The following LRP11 variants were observed in gnomAD, a reference collection of about 807,000 sequenced individuals.
LRP11 encodes low-density lipoprotein receptor-related protein 11.
Under a neutral mutation model 43.1 loss-of-function variants are expected in LRP11, and 25 were observed. The observed-to-expected ratio is 0.58, with a 90% CI of 0.42 to 0.81. The LOEUF is 0.81. LRP11 is among the 30% of genes least tolerant of loss of function. The pLI, the probability that LRP11 is intolerant of heterozygous loss-of-function variation, is 0.00. For missense variants in LRP11, 623 were observed against 665.1 expected, an observed-to-expected ratio of 0.94 and a Z score of 0.70; for synonymous variants, 316 against 299.4, an observed-to-expected ratio of 1.06 and a Z score of -0.57.
In LRP11 at chr6:149,826,367, A is replaced by G. The variant is rs1283157104; in HGVS notation, c.1253-8T>C. 2 of 1,590,416 alleles carry G rather than the reference A, an allele frequency of 1.3e-6. No homozygotes were observed. The highest frequency in any genetic ancestry group is 1.7e-6 in the Non-Finnish European group (2 of 1,158,658). ...TCCCTGAGGAACTACTATCTGCAGA[A>G]AAGAAAGAGAACATATATTGAAGGT... On this transcript the variant is annotated splice_polypyrimidine_tract_variant and splice_region_variant and intron_variant, in intron 5 of 6. Transcript: ENST00000239367.
chr6:149,850,657 T>A (rs1776705159), intron 2 of LRP11, among the ~76,000 whole-genome samples: 1 of 152,232 alleles, frequency 6.6e-6, no homozygotes, highest in East Asian at 1.9e-4. Flanking sequence ...CTACATGTAC[T>A]AAAATGTCAT....
intron 5 of LRP11, among the ~76,000 whole-genome samples, chr6:149,828,527 T>C (rs1776370365): frequency 6.6e-6 from 1 of 151,982 alleles, no homozygotes; most frequent in Non-Finnish European, 1.5e-5. Flanking sequence ...CTCCCTTTGT[T>C]GCCCAGGCTA....
Position 149,864,194 on chromosome 6 carries a change from GGCGGGAACCGCAGTA to G in LRP11, c.-189_-175del. On this transcript the variant is annotated 5_prime_UTR_variant, in exon 1 of 7. Transcript: ENST00000239367. ...CTGCTCCCCCGAGGTCGCGGGCGCCGGCGGGAACCGCAGTAGCGGGAGACATAGCCGGCCCAGCCG... is the reference window on the plus strand; with the variant it reads ...CTGCTCCCCCGAGGTCGCGGGCGCCGGCGGGAGACATAGCCGGCCCAGCCG... The G allele has an allele frequency of 8.9e-7, 1 of 1,122,924 alleles. No individual in the cohort carries two copies. Among genetic ancestry groups the G allele is most frequent in the African/African-American group, 1.6e-5 (1 of 60,756 alleles). 69.6% of individuals were successfully genotyped at this position (1,122,924 alleles called of 1,614,324 possible).
At chr6:149,858,791 A>C (rs1776841210) in intron 1 of LRP11, among the ~76,000 whole-genome samples, 1 of 152,190 alleles carries the variant, frequency 6.6e-6, no homozygotes, top group Non-Finnish European at 1.5e-5. Context: ...GTACTACTGG[A>C]CATTTACTTT....
chr6:149,820,331 T>A lies in LRP11; in HGVS notation c.*218A>T. 2 of 398,538 alleles carry A rather than the reference T, an allele frequency of 5.0e-6. No individual in the cohort carries two copies. The highest frequency in any genetic ancestry group is 7.5e-5 in the South Asian group (2 of 26,732). The allele number at this position is 398,538 out of a possible 1,614,324, so 24.7% of individuals were successfully genotyped here. A position where few individuals can be genotyped will look rare whatever the true frequency, so the allele number is the denominator to read the frequency against. On this transcript the variant is annotated 3_prime_UTR_variant, in exon 7 of 7. Coordinates refer to ENST00000239367, the MANE Select transcript of LRP11 (RefSeq NM_032832.6). ...CAGCTTACATAAATCAGAATTATAT[T>A]TTTAGGAATCTTTAATCATGAATTC...
intron 1 of LRP11, among the ~76,000 whole-genome samples, chr6:149,859,392 A>ATTTTTTTTTTTTTTTTTTT (rs1379449979): frequency 2.6e-5 from 2 of 76,836 alleles, no homozygotes; most frequent in African/African-American, 1.9e-4. Context: ...ATATATATAT[A>ATTTTTTTTTTTTTTTTTTT]TATATTTTTT....
In LRP11 at chr6:149,853,099, G is replaced by C. The variant is rs756634027; in HGVS notation, c.675C>G (p.Asp225Glu). The C allele has an allele frequency of 2.5e-6, 4 of 1,612,224 alleles. No individual in the cohort carries two copies. Among genetic ancestry groups the C allele is most frequent in the African/African-American group, 2.7e-5 (2 of 74,776 alleles). The change falls in exon 2 of 7, where the codon GAC becomes GAG. Residue 225 changes from aspartate to glutamate, a missense_variant. Transcript: ENST00000239367. ...GQDVVLHLPT[D>E]GVVLDGREST... is the part of the protein sequence containing the mutation. ...TCTCGCGGCCGTCTAGAACCACCCC[G>C]TCTGTGGGCAGATGCAGAACCACAT...
Position 149,836,280 on chromosome 6 carries a change from T to C in LRP11, c.1057A>G (p.Met353Val), listed in dbSNP as rs147922549. 8,347 of 1,614,182 alleles carry C rather than the reference T, an allele frequency of 5.2e-3. 31 individuals are homozygous for C. The highest frequency in any genetic ancestry group is 7.6e-3 in the Middle Eastern group (46 of 6,056). Residue 353 changes from methionine to valine, a missense_variant, in exon 5 of 7, where the codon ATG (methionine) becomes GTG (valine). Physicochemically the swap from Met to Val is conservative, Grantham distance 21. Coordinates refer to ENST00000239367, the MANE Select transcript of LRP11 (RefSeq NM_032832.6). ...FCQNLGLDRK[M>V]VTHTAASPAL... ...GGACTAGCTGCCGTGTGGGTTACCA[T>C]CTTGCGGTCCAGGCCCACTGAAGTG... is the stretch of plus-strand genomic sequence containing the variant.
chr6:149,864,151 C>G lies in LRP11; in HGVS notation c.-131G>C. The G allele has an allele frequency of 8.7e-7, 1 of 1,153,226 alleles. No homozygotes were observed. The highest frequency in any genetic ancestry group is 1.1e-6 in the Non-Finnish European group (1 of 938,294). 71.4% of individuals were successfully genotyped at this position (1,153,226 alleles called of 1,614,324 possible). ...GGCTCTAGGCCCCGGCCTCACAGCGCGGCGCCCCCGAACCCGGCTGCTCCC... is the reference window on the plus strand; with the variant it reads ...GGCTCTAGGCCCCGGCCTCACAGCGGGGCGCCCCCGAACCCGGCTGCTCCC... On this transcript the variant is annotated 5_prime_UTR_variant, in exon 1 of 7. Coordinates refer to ENST00000239367, the MANE Select transcript of LRP11 (RefSeq NM_032832.6).
chr6:149,847,999 T>G (rs938559559), intron 2 of LRP11, among the ~76,000 whole-genome samples: 3 of 152,172 alleles, frequency 2.0e-5, no homozygotes, highest in African/African-American at 7.2e-5. Context: ...GTTTAAATAA[T>G]GCCCATCCTT....
chr6:149,845,082 C>T (rs1477427027), intron 2 of LRP11, among the ~76,000 whole-genome samples: 1 of 152,164 alleles, frequency 6.6e-6, no homozygotes, highest in Non-Finnish European at 1.5e-5. Context: ...GGTTTGAATG[C>T]CAGCCCTACC....
chr6:149,853,350 T>C (rs200655612), intron 1 of LRP11, among the ~76,000 whole-genome samples, 190 bp from the exon 2 acceptor site: 1 of 152,144 alleles, frequency 6.6e-6, no homozygotes. Flanking sequence ...GAAGAGGCTG[T>C]GTGGAGTGTT....
chr6:149,846,524 G>A (rs967453152), intron 2 of LRP11, among the ~76,000 whole-genome samples: 6 of 152,196 alleles, frequency 3.9e-5, no homozygotes, highest in African/African-American at 1.2e-4. Context: ...GAGTGGAGGC[G>A]TGGGCTGCAG....
At chr6:149,825,653 G>T (rs1482460985) in intron 6 of LRP11, among the ~76,000 whole-genome samples, 1 of 130,268 alleles carries the variant, frequency 7.7e-6, no homozygotes, top group African/African-American at 3.4e-5. Flanking sequence ...GTGGGTAAGT[G>T]AGAATTTTTT....
intron 3 of LRP11, 49 bp downstream of exon 3, chr6:149,842,933 AC>A (rs1258768885): frequency 3.7e-6 from 6 of 1,609,424 alleles, no homozygotes; most frequent in Non-Finnish European, 5.1e-6. Flanking sequence ...CGCCAACCCG[AC>A]ATTGCCTTCC....
At chr6:149,859,377 CATAT>C (rs201050390) in intron 1 of LRP11, among the ~76,000 whole-genome samples, 8 of 51,600 alleles carry the variant, frequency 1.6e-4, no homozygotes, top group East Asian at 1.6e-3. Context: ...CTTGCTGACT[CATAT>C]ATATATATAT....
chr6:149,825,471 T>C (rs949229074), intron 6 of LRP11, among the ~76,000 whole-genome samples: 2 of 152,190 alleles, frequency 1.3e-5, no homozygotes, highest in Non-Finnish European at 2.9e-5. Flanking sequence ...CCATCGTTTC[T>C]ATATTTGGCT....
At chr6:149,859,834 A>G (rs1776864446) in intron 1 of LRP11, among the ~76,000 whole-genome samples, 2 of 151,912 alleles carry the variant, frequency 1.3e-5, no homozygotes, top group African/African-American at 4.8e-5. Context: ...TTGATTTGAA[A>G]CCTGTCTTCC....
In LRP11 at chr6:149,843,147, C is replaced by T. The variant is rs368603483; in HGVS notation, c.772-23G>A. 4.1e-4 allele frequency: 661 copies of T among 1,613,712 alleles called. 8 individuals carry two copies. The highest frequency in any genetic ancestry group is 5.5e-5 in the Non-Finnish European group (65 of 1,179,838). ...CACCTGCCACACAGATGGGACACAT[C>T]ACGTCGAGCAGCAGACTTGAGCTCC... On this transcript the variant is annotated intron_variant, in intron 2 of 6. Transcript: ENST00000239367.
Sources: gnomAD v4.1 joint callset for allele counts (sites outside exome capture counted in the v4.1 genomes callset) on GRCh38, gnomAD v4.1.1 for gene constraint, MANE v1.5 for transcripts, NCBI Gene and HGNC (gene_info 2026-07-23, HGNC 2026-07-21) for gene names.